P2RX5: variants seen among roughly 807,000 people sequenced by gnomAD.
P2RX5 encodes the protein P2X purinoceptor 5.
In P2RX5, 46 loss-of-function variants were observed where a neutral mutation model predicts 54.1. That is an observed-to-expected ratio of 0.85 (90% CI 0.67 to 1.09). The LOEUF (loss-of-function observed/expected upper bound fraction) is 1.09, where lower values mean the gene tolerates loss of function less well. Ranked by LOEUF, P2RX5 falls within the 50% of genes least tolerant of loss-of-function variation. The probability of loss-of-function intolerance (pLI) is 0.00; values close to 1 mark genes in which losing one functional copy is unlikely to be tolerated. For synonymous variants in P2RX5, 226 were observed against 226.4 expected (o/e 1.00, Z 0.02); for missense variants, 566 against 549.8 (o/e 1.03, Z -0.29).
the P2RX5 span, among the ~76,000 whole-genome samples, chr17:3,705,695 C>T: frequency 6.6e-6 from 1 of 152,114 alleles, no homozygotes; most frequent in African/African-American, 2.4e-5. Flanking sequence ...GAACAAAGAA[C>T]GAATGAATGA....
At chr17:3,675,834 A>T in intron 11 of P2RX5, 1 of 983,154 alleles carries the variant, frequency 1.0e-6, no homozygotes, top group Non-Finnish European at 1.2e-6. Context: ...TACAGGTGTG[A>T]GCCACTGCGC....
the P2RX5 span, among the ~76,000 whole-genome samples, chr17:3,709,172 G>A: frequency 1.3e-5 from 2 of 152,062 alleles, no homozygotes; most frequent in African/African-American, 2.4e-5. Flanking sequence ...AGCTGGTCTC[G>A]AACTCCTGAC....
chr17:3,705,391 G>A, the P2RX5 span, among the ~76,000 whole-genome samples: 1 of 152,126 alleles, frequency 6.6e-6, no homozygotes, highest in Non-Finnish European at 1.5e-5. Context: ...TGGCTCGTGG[G>A]CTTTACCATA....
intron 11 of P2RX5, chr17:3,675,515 G>C: frequency 3.0e-6 from 3 of 984,770 alleles, no homozygotes; most frequent in Non-Finnish European, 3.6e-6. Flanking sequence ...TTGCGTCAGT[G>C]AAGAAGTGAC....
chr17:3,700,335 C>T (rs145920223), upstream of P2RX5, among the ~76,000 whole-genome samples: 451 of 151,982 alleles, frequency 3.0e-3, no homozygotes, highest in African/African-American at 0.011. Flanking sequence ...AAGTTTGAGA[C>T]CAGCCTGACC....
chr17:3,713,251 C>G, the P2RX5 span, among the ~76,000 whole-genome samples: 3 of 152,080 alleles, frequency 2.0e-5, no homozygotes, highest in African/African-American at 7.2e-5. Context: ...GTCCCAGCTA[C>G]GCAGGAGGCT....
chr17:3,699,887 AAGGAAGGAAGGAAGGAAGGAAGGAAG>A (rs1567744335), upstream of P2RX5, among the ~76,000 whole-genome samples: 1 of 28,402 alleles, frequency 3.5e-5, no homozygotes, highest in African/African-American at 7.7e-5. Flanking sequence ...GGAAGGAAGG[AAGGAAGGAAGGAAGGAAGGAAGGAAG>A]GAAGGAAAGA....
upstream of P2RX5, among the ~76,000 whole-genome samples, chr17:3,699,087 ACACACACC>A (rs60825923): frequency 0.35 from 49,625 of 142,564 alleles, 9,536 homozygotes; most frequent in East Asian, 0.62. Flanking sequence ...ACACACACAC[ACACACACC>A]TATATATATA....
the P2RX5 span, among the ~76,000 whole-genome samples, chr17:3,703,801 A>G: frequency 6.6e-6 from 1 of 151,936 alleles, no homozygotes; most frequent in Middle Eastern, 3.2e-3. Context: ...CAGAAAATAA[A>G]CAACATTTAA....
At chr17:3,681,875 C>A in intron 10 of P2RX5, 21 bp downstream of exon 10, 1 of 1,577,006 alleles carries the variant, frequency 6.3e-7, no homozygotes, top group East Asian at 2.2e-5. Context: ...CTCGGGCCGC[C>A]GGCCTGGAAG....
chr17:3,715,906 C>T, the P2RX5 span, among the ~76,000 whole-genome samples: 1 of 151,972 alleles, frequency 6.6e-6, no homozygotes, highest in African/African-American at 2.4e-5. Flanking sequence ...ACTGTAATCC[C>T]AGAACTTTGG....
the P2RX5 span, among the ~76,000 whole-genome samples, chr17:3,705,898 G>A: frequency 1.4e-4 from 21 of 151,798 alleles, no homozygotes; most frequent in South Asian, 3.8e-3. Flanking sequence ...TTGGGCTGAG[G>A]TGATCCTCCC....
intron 9 of P2RX5, among the ~76,000 whole-genome samples, chr17:3,684,359 T>C (rs1165731274): frequency 1.3e-5 from 2 of 152,252 alleles, no homozygotes; most frequent in South Asian, 2.1e-4. Context: ...ATCCCAGCAC[T>C]TGGGGAGGCC....
chr17:3,689,722 T>C, intron 6 of P2RX5, 92 bp from the exon 7 acceptor site: 1 of 1,526,000 alleles, frequency 6.6e-7, no homozygotes, highest in Non-Finnish European at 9.1e-7. Context: ...CCAACCTGAG[T>C]GCTGACAGCT....
intron 6 of P2RX5, 126 bp from the exon 7 acceptor site, chr17:3,689,756 C>G: frequency 1.5e-6 from 2 of 1,306,088 alleles, no homozygotes. Context: ...CCCCACTTTA[C>G]AGCAGGGGAA....
chr17:3,676,249 A>T, intron 11 of P2RX5: 1 of 985,468 alleles, frequency 1.0e-6, no homozygotes, highest in Non-Finnish European at 1.2e-6. Context: ...CCCAAGCCCA[A>T]CATCGAAACG....
chr17:3,719,446 C>A, the P2RX5 span, among the ~76,000 whole-genome samples: 1 of 152,072 alleles, frequency 6.6e-6, no homozygotes, highest in Non-Finnish European at 1.5e-5. Context: ...TCAGAGCTCA[C>A]AGATAGATCA....
rs543500095 is a variant in P2RX5, at chr17:3,683,395, GGTCT to G, written c.982-1421_982-1418del. Among the ~76,000 whole-genome samples, 178 of 152,330 alleles carry G rather than the reference GGTCT, an allele frequency of 1.2e-3. 1 individual carries two copies. The highest frequency in any genetic ancestry group is 2.1e-3 in the Non-Finnish European group (141 of 68,034). On this transcript the variant is annotated intron_variant, in intron 9 of 11. Transcript: ENST00000225328. ...CCTGCGCCATTACTTCCAGTTCACA[GGTCT>G]GTCCCCAGAGGGTGCTCTGATTTTA... is the stretch of plus-strand genomic sequence containing the variant.
At chr17:3,722,032 A>C in the P2RX5 span, among the ~76,000 whole-genome samples, 1 of 151,658 alleles carries the variant, frequency 6.6e-6, no homozygotes, top group Non-Finnish European at 1.5e-5. Context: ...ATACAAAATT[A>C]GCCGGGTATG....
Sources: allele counts gnomAD v4.1 joint callset (sites outside exome capture counted in the v4.1 genomes callset), GRCh38; gene constraint gnomAD v4.1.1; transcripts MANE v1.5; gene names NCBI Gene and HGNC (gene_info 2026-07-23, HGNC 2026-07-21).